PEX5L: variants seen among roughly 807,000 people sequenced by gnomAD.
PEX5L encodes the protein PEX5-related protein.
Under a neutral mutation model 84.0 loss-of-function variants are expected in PEX5L, and 30 were observed. That is an observed-to-expected ratio of 0.36 (90% CI 0.27 to 0.48). PEX5L has a LOEUF of 0.48. Ranked by LOEUF, PEX5L falls within the 20% of genes least tolerant of loss-of-function variation. The pLI, the probability that PEX5L is intolerant of heterozygous loss-of-function variation, is 0.99. For missense variants in PEX5L, 533 were observed against 754.6 expected, an observed-to-expected ratio of 0.71 and a Z score of 3.44; for synonymous variants, 270 against 283.1, an observed-to-expected ratio of 0.95 and a Z score of 0.46.
intron 1 of PEX5L, among the ~76,000 whole-genome samples, chr3:179,974,519 G>A (rs1317321341): frequency 6.6e-6 from 1 of 152,160 alleles, no homozygotes; most frequent in East Asian, 1.9e-4. Flanking sequence ...AGGAAAGAGC[G>A]AAAGGACATA....
rs77171657 is a variant in PEX5L, at chr3:179,811,214, T to C, written c.1154+587A>G. On this transcript the variant is annotated intron_variant, in intron 11 of 14. Coordinates refer to ENST00000467460, the MANE Select transcript of PEX5L (RefSeq NM_016559.3). ...AACACCATACATATAACATATGGAA[T>C]GTATGTGTGTGTGTGTGTGTGTGTG... Among the ~76,000 whole-genome samples, 617 of 49,982 alleles carry C rather than the reference T, an allele frequency of 0.012. 13 individuals carry two copies. In the East Asian group the frequency reaches 0.19, roughly 16 times the overall value. 32.8% of individuals were successfully genotyped at this position (49,982 alleles called of 152,430 possible).
chr3:179,995,080 GTA>G (rs754207418), intron 1 of PEX5L, among the ~76,000 whole-genome samples: 1 of 146,194 alleles, frequency 6.8e-6, no homozygotes, highest in African/African-American at 2.5e-5. Context: ...AGCATAGAGA[GTA>G]TATATATAGT....
intron 2 of PEX5L, among the ~76,000 whole-genome samples, chr3:179,952,530 T>C (rs567448224): frequency 1.9e-4 from 29 of 152,132 alleles, no homozygotes; most frequent in Non-Finnish European, 3.5e-4. Flanking sequence ...GAAAACAGCA[T>C]ACATCGTATC....
At chr3:179,923,232 AG>A (rs1770266719) in intron 2 of PEX5L, among the ~76,000 whole-genome samples, 1 of 143,456 alleles carries the variant, frequency 7.0e-6, no homozygotes, top group South Asian at 2.3e-4. Context: ...CAGAGCTTGC[AG>A]TGAGTCGAGA....
intron 1 of PEX5L, among the ~76,000 whole-genome samples, chr3:180,016,282 G>T (rs1789940449): frequency 6.6e-6 from 1 of 152,046 alleles, no homozygotes; most frequent in Non-Finnish European, 1.5e-5. Flanking sequence ...AATCCTTACT[G>T]CTATCTCTAA....
At chr3:179,940,984 G>A (rs1775931075) in intron 2 of PEX5L, among the ~76,000 whole-genome samples, 1 of 152,160 alleles carries the variant, frequency 6.6e-6, no homozygotes, top group Non-Finnish European at 1.5e-5. Flanking sequence ...CGTTATGGTA[G>A]GCCAGAGGTA....
At chr3:179,865,763 G>A (rs1471777667) in intron 7 of PEX5L, among the ~76,000 whole-genome samples, 2 of 152,136 alleles carry the variant, frequency 1.3e-5, no homozygotes, top group Non-Finnish European at 2.9e-5. Context: ...CACCTCCGGG[G>A]ACTCCGATTC....
At chr3:179,869,841 T>C (rs1201549042) in intron 7 of PEX5L, among the ~76,000 whole-genome samples, 3 of 152,202 alleles carry the variant, frequency 2.0e-5, no homozygotes, top group Non-Finnish European at 4.4e-5. Context: ...TTATAACACA[T>C]GGTAAAGATC....
At chr3:179,924,343 G>C (rs1770751717) in intron 2 of PEX5L, among the ~76,000 whole-genome samples, 1 of 152,170 alleles carries the variant, frequency 6.6e-6, no homozygotes, top group Non-Finnish European at 1.5e-5. Context: ...TTGGGACGGG[G>C]TTCAAAGCAG....
At chr3:179,901,881 A>T (rs1761466835) in intron 2 of PEX5L, 1 of 152,246 alleles carries the variant, frequency 6.6e-6, no homozygotes, top group African/African-American at 2.4e-5. Context: ...ACATTTATTA[A>T]GAAAACCAAG....
chr3:179,946,366 T>A (rs1327028582), intron 2 of PEX5L, among the ~76,000 whole-genome samples: 1 of 152,160 alleles, frequency 6.6e-6, no homozygotes, highest in Admixed American at 6.5e-5. Flanking sequence ...CCTAGAATAG[T>A]GCAGGACACA....
At chr3:179,883,738 C>T (rs1443978428) in intron 4 of PEX5L, among the ~76,000 whole-genome samples, 2 of 152,198 alleles carry the variant, frequency 1.3e-5, no homozygotes, top group African/African-American at 4.8e-5. Flanking sequence ...GAGCCAAGAT[C>T]ATGCCATTGC....
intron 4 of PEX5L, 146 bp downstream of exon 4, chr3:179,887,527 G>T: frequency 1.7e-6 from 1 of 598,860 alleles, no homozygotes; most frequent in Non-Finnish European, 3.0e-6. Flanking sequence ...GTGATTTATT[G>T]GTTTATGCTA....
chr3:180,024,910 G>A (rs1199581726), intron 1 of PEX5L, among the ~76,000 whole-genome samples: 1 of 152,132 alleles, frequency 6.6e-6, no homozygotes, highest in East Asian at 1.9e-4. Context: ...GTGAAGAGGT[G>A]TCCAGAACTT....
chr3:179,915,309 T>C (rs1310407416), intron 2 of PEX5L, among the ~76,000 whole-genome samples: 3 of 152,204 alleles, frequency 2.0e-5, no homozygotes, highest in Non-Finnish European at 2.9e-5. Flanking sequence ...AGGTTTTGAA[T>C]TTTACCGTGC....
chr3:179,939,718 T>A (rs1450809108), intron 2 of PEX5L, among the ~76,000 whole-genome samples: 1 of 152,152 alleles, frequency 6.6e-6, no homozygotes, highest in Non-Finnish European at 1.5e-5. Context: ...ATTAGCATGT[T>A]CATAAGCCAT....
At chr3:179,913,267 T>C (rs1340549735) in intron 2 of PEX5L, among the ~76,000 whole-genome samples, 1 of 152,156 alleles carries the variant, frequency 6.6e-6, no homozygotes, top group Admixed American at 6.5e-5. Context: ...AAGGAAGTTA[T>C]TTCAAAGGCT....
chr3:179,837,289 G>A (rs188842944), intron 8 of PEX5L, among the ~76,000 whole-genome samples: 86 of 152,246 alleles, frequency 5.6e-4, no homozygotes, highest in Admixed American at 3.3e-3. Flanking sequence ...ACCTGATGCC[G>A]TAACTGAGAC....
intron 1 of PEX5L, among the ~76,000 whole-genome samples, chr3:180,012,998 C>G (rs961678533): frequency 2.6e-5 from 4 of 152,148 alleles, no homozygotes; most frequent in African/African-American, 9.6e-5. Flanking sequence ...ATTCAGCAGT[C>G]TTCCATAAGA....
Sources: gnomAD v4.1 joint callset for allele counts (sites outside exome capture counted in the v4.1 genomes callset) on GRCh38, gnomAD v4.1.1 for gene constraint, MANE v1.5 for transcripts, NCBI Gene and HGNC (gene_info 2026-07-23, HGNC 2026-07-21) for gene names.